DCAF6: variants seen among roughly 807,000 people sequenced by gnomAD.
The protein encoded by DCAF6 is DDB1 and CUL4 associated factor 6.
A neutral mutation model predicts 125.1 loss-of-function variants in DCAF6; 54 were observed. The observed-to-expected ratio is 0.43, with a 90% CI of 0.35 to 0.54. The LOEUF (loss-of-function observed/expected upper bound fraction) is 0.54, where lower values mean the gene tolerates loss of function less well. Among genes scored for constraint, DCAF6 ranks in the 20% least tolerant of loss-of-function variants. DCAF6 has a pLI of 0.01. For synonymous variants in DCAF6, 371 were observed against 390.4 expected, an observed-to-expected ratio of 0.95 and a Z score of 0.58; for missense variants, 934 against 1,161.7, an observed-to-expected ratio of 0.80 and a Z score of 2.85.
intron 5 of DCAF6, among the ~76,000 whole-genome samples, chr1:167,988,941 G>A (rs1404547542): frequency 1.3e-5 from 2 of 151,936 alleles, no homozygotes; most frequent in East Asian, 1.9e-4. Context: ...TTAGCCGGGC[G>A]TGGTGGCAGG....
At chr1:168,054,137 C>T (rs368615097) in intron 17 of DCAF6, among the ~76,000 whole-genome samples, 5 of 152,146 alleles carry the variant, frequency 3.3e-5, no homozygotes, top group African/African-American at 9.7e-5. Context: ...AGCTAGATAA[C>T]GCTAACATAC....
At chr1:168,005,414 T>A (rs1683211620) in intron 10 of DCAF6, among the ~76,000 whole-genome samples, 1 of 152,114 alleles carries the variant, frequency 6.6e-6, no homozygotes. Flanking sequence ...ATTATAAGTC[T>A]TTATGGTCAA....
the DCAF6 span, among the ~76,000 whole-genome samples, chr1:167,926,188 C>T: frequency 6.6e-6 from 1 of 152,224 alleles, no homozygotes; most frequent in Middle Eastern, 3.4e-3. Flanking sequence ...TCGAATTTTC[C>T]GTATTTTAAG....
chr1:167,904,782 C>T, the DCAF6 span: 1 of 653,308 alleles, frequency 1.5e-6, no homozygotes, highest in Non-Finnish European at 2.7e-6. Flanking sequence ...TAAAGATATG[C>T]CTATGACTGG....
intron 16 of DCAF6, among the ~76,000 whole-genome samples, chr1:168,050,135 T>G (rs1462844851): frequency 2.6e-5 from 4 of 151,976 alleles, no homozygotes; most frequent in African/African-American, 9.7e-5. Context: ...TAGTTTTTAA[T>G]TATAGCCTCA....
the DCAF6 span, chr1:167,918,287 TC>T: frequency 6.6e-7 from 1 of 1,517,744 alleles, no homozygotes; most frequent in Non-Finnish European, 9.0e-7. Flanking sequence ...AATGGTTTTG[TC>T]CACATCTAGA....
In DCAF6 at chr1:168,075,733, G is replaced by T; in HGVS notation, c.*298G>T. 4.0e-6 allele frequency: 1 copy of T among 250,102 alleles called. No individual in the cohort carries two copies. Among genetic ancestry groups the T allele is most frequent in the South Asian group, 1.7e-4 (1 of 6,056 alleles). The allele number at this position is 250,102 out of a possible 1,614,324, so 15.5% of individuals were successfully genotyped here. A position where few individuals can be genotyped will look rare whatever the true frequency, so the allele number is the denominator to read the frequency against. ...TGTGGGAGCTTGGATCAATGTTGAA[G>T]AATAATTTTCATCATAGTGAAAATG... On this transcript the variant is annotated 3_prime_UTR_variant, in exon 22 of 22. Coordinates refer to ENST00000367840, the MANE Select transcript of DCAF6 (RefSeq NM_001198956.2).
the DCAF6 span, among the ~76,000 whole-genome samples, chr1:167,876,477 A>G: frequency 3.3e-5 from 5 of 152,228 alleles, no homozygotes; most frequent in African/African-American, 1.2e-4. Context: ...CTGAACTACA[A>G]TACTACTTTG....
At chr1:168,005,764 T>C (rs1683249530) in intron 10 of DCAF6, among the ~76,000 whole-genome samples, 1 of 152,156 alleles carries the variant, frequency 6.6e-6, no homozygotes, top group African/African-American at 2.4e-5. Flanking sequence ...CTTTTATCAG[T>C]ATATACCACT....
At chr1:167,935,780 T>C (rs1456047189), upstream of DCAF6, 1 of 1,563,980 alleles carries the variant, frequency 6.4e-7, no homozygotes, top group Admixed American at 1.9e-5. Flanking sequence ...CAGCATCAGC[T>C]CCACTTTATC....
the DCAF6 span, among the ~76,000 whole-genome samples, chr1:167,867,235 T>C: frequency 1.3e-5 from 2 of 152,158 alleles, no homozygotes; most frequent in Admixed American, 1.3e-4. Flanking sequence ...GAGCTGTACG[T>C]GGATGGGAGC....
intron 16 of DCAF6, among the ~76,000 whole-genome samples, 179 bp from the exon 17 acceptor site, chr1:168,050,713 T>C (rs1689802544): frequency 1.3e-5 from 2 of 152,238 alleles, no homozygotes; most frequent in South Asian, 4.1e-4. Flanking sequence ...CCTTAATTTC[T>C]TCATATACAT....
At chr1:167,883,651 C>T in the DCAF6 span, 1 of 1,613,688 alleles carries the variant, frequency 6.2e-7, no homozygotes, top group South Asian at 1.1e-5. Flanking sequence ...GAGCAGCTTT[C>T]TGTAGGTGTC....
chr1:168,029,941 C>G (rs1414309091), intron 12 of DCAF6, among the ~76,000 whole-genome samples: 1 of 150,960 alleles, frequency 6.6e-6, no homozygotes, highest in African/African-American at 2.4e-5. Flanking sequence ...GATTGCACCA[C>G]TGCGCTCCAG....
intron 7 of DCAF6, among the ~76,000 whole-genome samples, chr1:168,000,650 C>CT (rs1215259617): frequency 6.6e-6 from 1 of 151,954 alleles, no homozygotes; most frequent in African/African-American, 2.4e-5. Context: ...GGGTATCTTG[C>CT]TAAAATGGGG....
chr1:167,926,889 G>A, the DCAF6 span, among the ~76,000 whole-genome samples: 1,789 of 152,130 alleles, frequency 0.012, 28 homozygotes, highest in African/African-American at 0.04. Context: ...TCTCCTCAAG[G>A]AAGCCTTAAA....
the DCAF6 span, chr1:167,893,822 C>A: frequency 1.3e-6 from 2 of 1,527,502 alleles, no homozygotes; most frequent in South Asian, 2.2e-5. Flanking sequence ...CCTGACATCC[C>A]CAAAGCCAGT....
chr1:168,060,367 T>A (rs943289493), intron 17 of DCAF6, among the ~76,000 whole-genome samples: 1 of 151,982 alleles, frequency 6.6e-6, no homozygotes, highest in East Asian at 1.9e-4. Context: ...TCATCTTTTT[T>A]TAGAGATGGG....
chr1:167,898,698 G>C, the DCAF6 span, among the ~76,000 whole-genome samples: 2 of 152,104 alleles, frequency 1.3e-5, no homozygotes, highest in Admixed American at 1.3e-4. Context: ...GGAAGAGTGA[G>C]GAGTGGGTGG....
Sources: gnomAD v4.1 joint callset for allele counts (sites outside exome capture counted in the v4.1 genomes callset) on GRCh38, gnomAD v4.1.1 for gene constraint, MANE v1.5 for transcripts, NCBI Gene and HGNC (gene_info 2026-07-23, HGNC 2026-07-21) for gene names.